The following TATDN1 variants were observed in gnomAD, a reference collection of about 807,000 sequenced individuals.
TATDN1 encodes deoxyribonuclease TATDN1.
In TATDN1, 40 loss-of-function variants were observed where a neutral mutation model predicts 46.4. That is an observed-to-expected ratio of 0.86 (90% CI 0.67 to 1.12). TATDN1 has a LOEUF of 1.12. TATDN1 is among the 50% of genes most tolerant of loss of function. TATDN1 has a pLI of 0.00. For synonymous variants in TATDN1, 95 were observed against 105.6 expected (o/e 0.90, Z 0.62); for missense variants, 326 against 348.4 (o/e 0.94, Z 0.51).
chr8:124,532,769 C>T (rs1335284158), intron 1 of TATDN1, among the ~76,000 whole-genome samples: 1 of 152,208 alleles, frequency 6.6e-6, no homozygotes, highest in Non-Finnish European at 1.5e-5. Context: ...GCAGATCGGG[C>T]AGTTGGCTGG....
chr8:124,492,225 T>C (rs181056451), intron 11 of TATDN1, among the ~76,000 whole-genome samples: 1 of 152,274 alleles, frequency 6.6e-6, no homozygotes, highest in African/African-American at 2.4e-5. Flanking sequence ...TCCGCCTGCC[T>C]TGGCCTCCCA....
At chr8:124,497,341 G>A (rs923651196) in intron 9 of TATDN1, among the ~76,000 whole-genome samples, 26 of 149,772 alleles carry the variant, frequency 1.7e-4, no homozygotes, top group African/African-American at 5.4e-4. Context: ...GCTGGAGTGC[G>A]TTGGCAAAAT....
rs544845067 is a variant in TATDN1 at position 124,519,255 on chromosome 8, G to A, written c.139-374C>T. Reference sequence around the variant, plus strand: ...TGATTGATTCAACAGTTCTCCAGGTGTAGTCTGGTAACTCCCAGTAGGTAT... The same window carrying A: ...TGATTGATTCAACAGTTCTCCAGGTATAGTCTGGTAACTCCCAGTAGGTAT... On this transcript the variant is annotated intron_variant, in intron 3 of 11. Transcript: ENST00000276692. Among the ~76,000 whole-genome samples, 9 of 152,316 alleles carry A rather than the reference G, an allele frequency of 5.9e-5. No individual in the cohort carries two copies. In the East Asian group the frequency reaches 1.4e-3, roughly 23 times the overall value.
chr8:124,494,897 T>G (rs1331434508), intron 10 of TATDN1: 1 of 152,468 alleles, frequency 6.6e-6, no homozygotes, highest in African/African-American at 2.4e-5. Flanking sequence ...TAACTTTGTA[T>G]TTTTAGTAGA....
Position 124,535,913 on chromosome 8 carries a change from C to A in TATDN1, c.22+3112G>T, listed in dbSNP as rs561637233. ...CATCAAGCCTTTCATGAGGGATCCA[C>A]CCCCATGAGATGGATGTTGGGAAGT... On this transcript the variant is annotated intron_variant, in intron 1 of 11. Transcript: ENST00000276692. Among the ~76,000 whole-genome samples the A allele has an allele frequency of 2.0e-5, 3 of 152,262 alleles. No homozygotes were observed. In the South Asian group the frequency reaches 6.2e-4, roughly 32 times the overall value.
At chr8:124,518,211 C>CAAA (rs374487274) in intron 4 of TATDN1, among the ~76,000 whole-genome samples, 3 of 34,608 alleles carry the variant, frequency 8.7e-5, no homozygotes, top group Admixed American at 5.3e-4. Context: ...GACTCTATCT[C>CAAA]AAAAAAAAAA....
chr8:124,535,883 G>A (rs1391466510), intron 1 of TATDN1, among the ~76,000 whole-genome samples: 2 of 152,194 alleles, frequency 1.3e-5, no homozygotes, highest in South Asian at 2.1e-4. Flanking sequence ...TTACCACAGG[G>A]AGGCCATCAA....
At chr8:124,532,086 G>T (rs1821014273) in intron 1 of TATDN1, among the ~76,000 whole-genome samples, 1 of 147,936 alleles carries the variant, frequency 6.8e-6, no homozygotes, top group African/African-American at 2.5e-5. Flanking sequence ...AGCAAGGGGG[G>T]GAGGAGGAGG....
In TATDN1 at chr8:124,513,528, T is replaced by C. The variant is rs559281602; in HGVS notation, c.389+2218A>G. The stretch of plus-strand genomic sequence containing the variant: ...ACTGAATGTAGTTTGAACCTCTCTA[T>C]TAGCAATTAACGCTTGGCATGTGAG... On this transcript the variant is annotated intron_variant, in intron 6 of 11. Transcript: ENST00000276692. Among the ~76,000 whole-genome samples, 23 of 152,352 alleles carry C rather than the reference T, an allele frequency of 1.5e-4. No individual in the cohort carries two copies. In the South Asian group the frequency reaches 2.3e-3, roughly 15 times the overall value.
chr8:124,506,334 C>CAAAAAAAAAAAAAAAA (rs56023168), intron 8 of TATDN1, among the ~76,000 whole-genome samples: 8 of 52,464 alleles, frequency 1.5e-4, no homozygotes, highest in Non-Finnish European at 1.8e-4. Context: ...GGCTCTGTCT[C>CAAAAAAAAAAAAAAAA]AAAAAAAAAA....
At chr8:124,515,466 A>C (rs1489378364) in intron 6 of TATDN1, among the ~76,000 whole-genome samples, 1 of 152,254 alleles carries the variant, frequency 6.6e-6, no homozygotes, top group African/African-American at 2.4e-5. Flanking sequence ...CTGTTAAACA[A>C]GCAAACAGAA....
chr8:124,498,177 C>T (rs536826965), intron 9 of TATDN1, among the ~76,000 whole-genome samples: 12 of 152,154 alleles, frequency 7.9e-5, no homozygotes, highest in African/African-American at 2.9e-4. Flanking sequence ...GCTAGTGTTG[C>T]GTTTCCTTTG....
rs201533571 is a variant in TATDN1 at position 124,508,643 on chromosome 8, T to C, written c.435A>G (p.Pro145=). The change falls in exon 7 of 12, where the codon CCA becomes CCG. Residue 145 remains proline (P), a synonymous_variant. Coordinates refer to ENST00000276692, the MANE Select transcript of TATDN1 (RefSeq NM_032026.4). Reference sequence around the variant, plus strand: ...GTGAGTTTCGACAATGAAGAAACATTGGTAATTTTGTTTGTTCTGACAGTT... The same window carrying C: ...GTGAGTTTCGACAATGAAGAAACATCGGTAATTTTGTTTGTTCTGACAGTT... ...QFELSEQTKL[P]MFLHCRNSHA... The C allele has an allele frequency of 3.7e-5, 60 of 1,600,016 alleles. No homozygotes were observed. The Admixed American group carries it at 7.6e-4, about 20-fold the overall frequency.
intron 3 of TATDN1, 181 bp downstream of exon 3, chr8:124,521,970 T>TA: frequency 2.2e-6 from 1 of 460,434 alleles, no homozygotes; most frequent in Non-Finnish European, 3.8e-6. Flanking sequence ...TTGTGTAACT[T>TA]AAATTGCTAT....
intron 8 of TATDN1, among the ~76,000 whole-genome samples, chr8:124,506,178 T>C (rs1303554902): frequency 2.7e-5 from 4 of 149,972 alleles, no homozygotes; most frequent in Non-Finnish European, 5.9e-5. Context: ...CTACTGAAAA[T>C]ACAAAAATTA....
chr8:124,495,531 G>A lies in TATDN1; in HGVS notation c.605C>T (p.Thr202Ile), dbSNP rs1408341343. The A allele has an allele frequency of 6.2e-7, 1 of 1,601,692 alleles. No homozygotes were observed. Among genetic ancestry groups the A allele is most frequent in the African/African-American group, 1.3e-5 (1 of 74,222 alleles). The change falls in exon 10 of 12, where the codon ACT becomes ATT. Residue 202 changes from threonine (T) to isoleucine (I), a missense_variant. Coordinates refer to ENST00000276692, the MANE Select transcript of TATDN1 (RefSeq NM_032026.4). ...YIGFNGCSLK[T>I]EANLEVLKSI... ...CTTCAAAACTTCCAAATTAGCTTCA[G>A]TTTTCAGTGAGCTTAAAAAAAAGTG...
At chr8:124,531,026 A>T (rs1820906973) in intron 1 of TATDN1, among the ~76,000 whole-genome samples, 1 of 152,138 alleles carries the variant, frequency 6.6e-6, no homozygotes, top group Non-Finnish European at 1.5e-5. Context: ...GCACCCATCC[A>T]GTAGGCTGGA....
rs542094890 is a variant in TATDN1, at chr8:124,508,621, A to T, written c.457T>A (p.Ser153Thr). ...KLPMFLHCRN[S>T]HAEFLDIMKR... ...AACTCACCCAAAAATTCAGCATGTG[A>T]GTTTCGACAATGAAGAAACATTGGT... The change falls in exon 7 of 12, where the codon TCA (serine) becomes ACA (threonine). Residue 153 changes from serine to threonine, a missense_variant. Transcript: ENST00000276692. The T allele has an allele frequency of 1.2e-6, 2 of 1,604,554 alleles. No homozygotes were observed. Among genetic ancestry groups the T allele is most frequent in the East Asian group, 2.2e-5 (1 of 44,700 alleles).
intron 6 of TATDN1, among the ~76,000 whole-genome samples, chr8:124,513,641 G>C (rs1177405351): frequency 6.6e-6 from 1 of 152,198 alleles, no homozygotes; most frequent in Non-Finnish European, 1.5e-5. Flanking sequence ...AAATTAAACT[G>C]ATACTGTCAA....
Sources: allele counts gnomAD v4.1 joint callset (sites outside exome capture counted in the v4.1 genomes callset), GRCh38; gene constraint gnomAD v4.1.1; transcripts MANE v1.5; gene names NCBI Gene and HGNC (gene_info 2026-07-23, HGNC 2026-07-21).